The following EVPL variants were observed in gnomAD, a reference collection of about 807,000 sequenced individuals.
EVPL encodes 210 kDa cornified envelope precursor protein.
A neutral mutation model predicts 129.7 loss-of-function variants in EVPL; 94 were observed. The observed-to-expected ratio is 0.72, with a 90% CI of 0.61 to 0.86. The LOEUF (loss-of-function observed/expected upper bound fraction) is 0.86. EVPL is among the 40% of genes least tolerant of loss of function. The pLI, the probability that EVPL is intolerant of heterozygous loss-of-function variation, is 0.00. For missense variants in EVPL, 2,625 were observed against 2,721.1 expected (o/e 0.96, Z 0.79); for synonymous variants, 1,172 against 1,191.1 (o/e 0.98, Z 0.33).
intron 14 of EVPL, among the ~76,000 whole-genome samples, chr17:76,016,066 C>T (rs956384684): frequency 6.6e-6 from 1 of 152,144 alleles, no homozygotes; most frequent in Non-Finnish European, 1.5e-5. Context: ...ATTGCTTGAA[C>T]CCCAGGAGGT....
At chr17:76,018,735 G>A in intron 11 of EVPL, 135 bp from the exon 12 acceptor site, 1 of 1,221,896 alleles carries the variant, frequency 8.2e-7, no homozygotes, top group Middle Eastern at 2.5e-4. Context: ...GGGAGGTGCT[G>A]GGGTAGAAAA....
Position 76,008,073 on chromosome 17 carries a change from C to A in EVPL, c.5132G>T (p.Gly1711Val). Residue 1711 changes from glycine to valine, a missense_variant, in exon 22 of 22, where the codon GGC becomes GTC. Around this residue, in one of 4 missense-constraint regions of EVPL, gnomAD observed 1,453 missense variants for 1,511.8 expected, o/e 0.96. Transcript: ENST00000301607. This position sits in a 1 kb window ranked among gnomAD's most constrained non-coding sequence, Gnocchi z 7.4. ...EAYKRGIIDR[G>V]QYLQLQELEC... ...GAGCTCCTGCAGCTGCAAGTACTGG[C>A]CCCTGTCGATGATGCCCCTCTTGTA... The A allele has an allele frequency of 6.2e-7, 1 of 1,614,028 alleles. No individual in the cohort carries two copies. The highest frequency in any genetic ancestry group is 1.6e-4 in the Middle Eastern group (1 of 6,062).
chr17:76,014,693 C>A, intron 17 of EVPL, 117 bp from the exon 18 acceptor site: 1 of 1,404,092 alleles, frequency 7.1e-7, no homozygotes, highest in Non-Finnish European at 9.7e-7. Context: ...GCCCGAGTGG[C>A]CTGCTGTGCA....
chr17:76,019,567 GC>G lies in EVPL; in HGVS notation c.1097del (p.Gly366AlafsTer75). On this transcript the variant is annotated frameshift_variant, in exon 10 of 22. Transcript: ENST00000301607. LOFTEE classifies it high-confidence loss of function. Reference sequence around the variant, plus strand: ...GCAGCTCTGTGGGGGCGCCAGGGGGGCCCCCAGGTGCAGGGCTGTACTTGGC... The same window carrying G: ...GCAGCTCTGTGGGGGCGCCAGGGGGGCCCCAGGTGCAGGGCTGTACTTGGC... ...LDAKYSPAPGGPPGAPTELLQ... is the reference protein window; with the variant it reads ...LDAKYSPAPGXPPGAPTELLQ... 14 of 1,578,728 alleles carry G rather than the reference GC, an allele frequency of 8.9e-6. No individual in the cohort carries two copies. In the East Asian group the frequency reaches 1.1e-4, roughly 13 times the overall value.
chr17:76,015,622 C>A lies in EVPL; in HGVS notation c.1717G>T (p.Ala573Ser). 6.2e-7 allele frequency: 1 copy of A among 1,612,568 alleles called. No individual in the cohort carries two copies. The highest frequency in any genetic ancestry group is 8.5e-7 in the Non-Finnish European group (1 of 1,179,466). Residue 573 changes from alanine (A) to serine (S), a missense_variant, in exon 15 of 22, where the codon GCC becomes TCC. This residue lies in a region of EVPL where 1,024 missense variants were observed against 997.5 expected (regional missense o/e 1.03). Coordinates refer to ENST00000301607, the MANE Select transcript of EVPL (RefSeq NM_001988.4). ...GTTCCCAGGCTCTGCAGGCGCTGGG[C>A]TGTGCCCTAAAGAGGGGCGGGGTCA... is the stretch of plus-strand genomic sequence containing the variant. ...EGRIHSHEGT[A>S]QRLQSLGTEK...
In EVPL at chr17:76,008,327, G is replaced by A. The variant is rs764088999; in HGVS notation, c.4878C>T (p.Ser1626=). The A allele has an allele frequency of 9.3e-5, 150 of 1,606,394 alleles. No homozygotes were observed. Among genetic ancestry groups the A allele is most frequent in the Non-Finnish European group, 1.1e-4 (135 of 1,179,802 alleles). Reference sequence around the variant, plus strand: ...CCCGCTGGGCCGCCTTCTGTCGCTCGCTCTCCGTCTTCTGGCTGAGCAGCT... The same window carrying A: ...CCCGCTGGGCCGCCTTCTGTCGCTCACTCTCCGTCTTCTGGCTGAGCAGCT... ...ESKLLSQKTE[S]ERQKAAQRGQ... Residue 1626 remains serine, a synonymous_variant, in exon 22 of 22, where the codon AGC becomes AGT. Transcript: ENST00000301607. The surrounding 1 kb of genome is among the most constrained non-coding windows in gnomAD (Gnocchi z 7.4).
At chr17:76,018,328 G>A (rs1437119948) in intron 12 of EVPL, 70 bp from the exon 13 acceptor site, 5 of 1,514,176 alleles carry the variant, frequency 3.3e-6, no homozygotes, top group African/African-American at 2.8e-5. Context: ...CCCAGTAGAC[G>A]CAGCTTCAGG....
In EVPL at chr17:76,015,269, A is replaced by G. The variant is rs1205971274; in HGVS notation, c.1986T>C (p.Pro662=). 1 of 1,602,938 alleles carries G rather than the reference A, an allele frequency of 6.2e-7. No individual in the cohort carries two copies. The highest frequency in any genetic ancestry group is 8.5e-7 in the Non-Finnish European group (1 of 1,178,810). The change falls in exon 16 of 22, where the codon CCT becomes CCC. Residue 662 remains proline, a synonymous_variant. Transcript: ENST00000301607. ...EATLVQEAPI[P]AEPGALQERV... is the part of the protein sequence containing the mutation. ...TCTCCTGCAGAGCCCCCGGTTCAGC[A>G]GGGATGGGGGCCTCCTGCACCAGGG...
In EVPL at chr17:76,009,855, T is replaced by A. The variant is rs759408395; in HGVS notation, c.3350A>T (p.Gln1117Leu). The A allele has an allele frequency of 2.5e-6, 4 of 1,614,074 alleles. No individual in the cohort carries two copies. Among genetic ancestry groups the A allele is most frequent in the Non-Finnish European group, 2.5e-6 (3 of 1,180,028 alleles). The part of the protein sequence containing the change: ...KQAEEAVAKL[Q>L]ARIEDLERAI... ...CCGCTCCAGGTCTTCGATGCGAGCC[T>A]GTAGCTTGGCCACAGCCTCCTCCGC... The change falls in exon 22 of 22, where the codon CAG becomes CTG. Residue 1117 changes from glutamine to leucine, a missense_variant. Gln to Leu is a moderately radical substitution (Grantham distance 113). Coordinates refer to ENST00000301607, the MANE Select transcript of EVPL (RefSeq NM_001988.4). This position sits in a 1 kb window ranked among gnomAD's most constrained non-coding sequence, Gnocchi z 5.9.
Position 76,008,850 on chromosome 17 carries a change from C to T in EVPL, c.4355G>A (p.Arg1452Gln), listed in dbSNP as rs1413866393. 3.1e-6 allele frequency: 5 copies of T among 1,613,854 alleles called. No individual in the cohort carries two copies. The highest frequency in any genetic ancestry group is 1.3e-5 in the African/African-American group (1 of 74,952). The change falls in exon 22 of 22, where the codon CGG (arginine) becomes CAG (glutamine). Residue 1452 changes from arginine to glutamine, a missense_variant. Arg to Gln is a conservative substitution (Grantham distance 43). Coordinates refer to ENST00000301607, the MANE Select transcript of EVPL (RefSeq NM_001988.4). This position sits in a 1 kb window ranked among gnomAD's most constrained non-coding sequence, Gnocchi z 7.4. ...GATCTTCTCCTGCACCGTGGGAGGC[C>T]GCTTCTCGAGCTCCTGGATCCTCAA... ...LTLRIQELEK[R>Q]PPTVQEKIIM...
Position 76,015,471 on chromosome 17 carries a change from A to T in EVPL, c.1868T>A (p.Leu623Gln), listed in dbSNP as rs754840587. The T allele has an allele frequency of 1.9e-6, 3 of 1,613,336 alleles. No homozygotes were observed. The highest frequency in any genetic ancestry group is 3.3e-5 in the Admixed American group (2 of 60,022). Residue 623 changes from leucine to glutamine, a missense_variant, in exon 15 of 22, where the codon CTG becomes CAG. Leu to Gln is a moderately radical substitution (Grantham distance 113). This residue lies in a region of EVPL where 1,024 missense variants were observed against 997.5 expected (regional missense o/e 1.03). Coordinates refer to ENST00000301607, the MANE Select transcript of EVPL (RefSeq NM_001988.4). ...TCACTTCTCCCCGTAGAGGCTGCAC[A>T]GAACCTGCACGTCACTGAACTTGTT... ...VKNKFSDVQV[L>Q]CSLYGEKAKA...
chr17:76,018,395 C>T, intron 12 of EVPL, 51 bp downstream of exon 12: 3 of 1,567,588 alleles, frequency 1.9e-6, no homozygotes, highest in Non-Finnish European at 2.6e-6. Flanking sequence ...CACCGCAGGG[C>T]CGGCCTGCTC....
rs759746268 is a variant in EVPL at position 76,010,076 on chromosome 17, G to A, written c.3129C>T (p.Arg1043=). 24 of 1,613,424 alleles carry A rather than the reference G, an allele frequency of 1.5e-5. No individual in the cohort carries two copies. The highest frequency in any genetic ancestry group is 4.5e-5 in the East Asian group (2 of 44,878). The stretch of plus-strand genomic sequence containing the variant: ...GGGCCGAGATGACGGCATCCTCCCC[G>A]CGGAGCTGCTGGATCTGGATCCTGA... The part of the protein sequence containing the change: ...AQLRIQIQQL[R]GEDAVISARL... The change falls in exon 22 of 22, where the codon CGC becomes CGT. Residue 1043 remains arginine (R), a synonymous_variant. Coordinates refer to ENST00000301607, the MANE Select transcript of EVPL (RefSeq NM_001988.4).
chr17:76,007,862 A>G lies in EVPL; in HGVS notation c.5343T>C (p.Ala1781=). 6.2e-7 allele frequency: 1 copy of G among 1,613,354 alleles called. No homozygotes were observed. Among genetic ancestry groups the G allele is most frequent in the Non-Finnish European group, 8.5e-7 (1 of 1,179,420 alleles). Residue 1781 remains alanine, a synonymous_variant, in exon 22 of 22, where the codon GCT becomes GCC. Transcript: ENST00000301607. This position sits in a 1 kb window ranked among gnomAD's most constrained non-coding sequence, Gnocchi z 8.8. ...GTGAGGAGCTTGGCTTGGTCTCCCC[A>G]GCTACAAGCAGCGCAAACTCGGAGA... is the stretch of plus-strand genomic sequence containing the variant. ...LPISEFALLV[A]GETKPSSSLS... is the part of the protein sequence containing the mutation.
rs375539683 is a variant in EVPL, at chr17:76,027,241, G to C, written c.-43C>G. 25 of 1,459,784 alleles carry C rather than the reference G, an allele frequency of 1.7e-5. No homozygotes were observed. In the South Asian group the frequency reaches 2.9e-4, roughly 17 times the overall value. 90.4% of individuals were successfully genotyped at this position (1,459,784 alleles called of 1,614,324 possible). A position where few individuals can be genotyped will look rare whatever the true frequency, so the allele number is the denominator to read the frequency against. ...CTGGCTCAGGCTGGGCTTGGCTGGC[G>C]AAAGACGGCAGGAGGGCAGGTGGGA... On this transcript the variant is annotated 5_prime_UTR_variant, in exon 1 of 22. Coordinates refer to ENST00000301607, the MANE Select transcript of EVPL (RefSeq NM_001988.4).
intron 1 of EVPL, among the ~76,000 whole-genome samples, chr17:76,025,850 CCA>C (rs1258905120): frequency 3.3e-5 from 5 of 152,338 alleles, no homozygotes; most frequent in Admixed American, 2.6e-4. Flanking sequence ...CCCAATCCAT[CCA>C]CAGATTGCTG....
chr17:76,016,646 G>C (rs1327767647), intron 14 of EVPL, among the ~76,000 whole-genome samples: 1 of 152,010 alleles, frequency 6.6e-6, no homozygotes, highest in Non-Finnish European at 1.5e-5. Context: ...AAGTGCAGTA[G>C]CTCATGCCTG....
rs1256606599 is a variant in EVPL, at chr17:76,014,465, G to A, written c.2334C>T (p.Asp778=). 1.2e-6 allele frequency: 2 copies of A among 1,611,720 alleles called. No homozygotes were observed. Among genetic ancestry groups the A allele is most frequent in the East Asian group, 2.2e-5 (1 of 44,844 alleles). Residue 778 remains aspartate (D), a synonymous_variant, in exon 18 of 22, where the codon GAC becomes GAT. Coordinates refer to ENST00000301607, the MANE Select transcript of EVPL (RefSeq NM_001988.4). ...GCTTGTAGGCGATCTGGCTGGGGCC[G>A]TCGCTGGGCCGCACCTGGCTGCGGG... is the stretch of plus-strand genomic sequence containing the variant. ...HLPRSQVRPS[D]GPSQIAYKLQ...
rs367621435 is a variant in EVPL at position 76,010,010 on chromosome 17, C to T, written c.3195G>A (p.Lys1065=). The T allele has an allele frequency of 1.9e-6, 3 of 1,613,378 alleles. No homozygotes were observed. In the African/African-American group the frequency reaches 4.0e-5, roughly 22 times the overall value. ...CCTTCTCCTTCACGTCCACCTCCCT[C>T]TTCTCAAGGGCCAGTAGCTCCTTCT... ...GLKKELLALE[K]REVDVKEKVV... is the part of the protein sequence containing the mutation. Residue 1065 remains lysine, a synonymous_variant, in exon 22 of 22, where the codon AAG becomes AAA. Coordinates refer to ENST00000301607, the MANE Select transcript of EVPL (RefSeq NM_001988.4).
Sources: allele counts gnomAD v4.1 joint callset (sites outside exome capture counted in the v4.1 genomes callset), GRCh38; gene constraint gnomAD v4.1.1; regional missense constraint gnomAD v4.1.1; non-coding constraint Gnocchi (gnomAD v3.1); transcripts MANE v1.5; gene names NCBI Gene and HGNC (gene_info 2026-07-23, HGNC 2026-07-21).